ADGRB3: variants seen among roughly 807,000 people sequenced by gnomAD.
ADGRB3 encodes the protein adhesion G protein-coupled receptor B3, also known as brain-specific angiogenesis inhibitor 3.
A neutral mutation model predicts 193.4 loss-of-function variants in ADGRB3; 37 were observed. The observed-to-expected ratio is 0.19, with a 90% CI of 0.15 to 0.25. The LOEUF (loss-of-function observed/expected upper bound fraction) is 0.25. ADGRB3 is among the 10% of genes least tolerant of loss of function. The pLI, the probability that ADGRB3 is intolerant of heterozygous loss-of-function variation, is 1.00. For missense variants in ADGRB3, 1,637 were observed against 1,852.9 expected (o/e 0.88, Z 2.14); for synonymous variants, 690 against 644.2 (o/e 1.07, Z -1.08).
chr6:68,971,323 C>G (rs1768561439), intron 8 of ADGRB3, among the ~76,000 whole-genome samples: 1 of 152,166 alleles, frequency 6.6e-6, no homozygotes. Context: ...ATGGTACAGT[C>G]ATACCTTGGT....
intron 10 of ADGRB3, among the ~76,000 whole-genome samples, chr6:68,988,741 A>C (rs1582374863): frequency 6.6e-6 from 1 of 152,048 alleles, no homozygotes; most frequent in Non-Finnish European, 1.5e-5. Flanking sequence ...TGCTAACGAC[A>C]CCTCTCACAC....
At chr6:68,986,843 T>G (rs1156538085) in intron 10 of ADGRB3, among the ~76,000 whole-genome samples, 1 of 152,166 alleles carries the variant, frequency 6.6e-6, no homozygotes, top group Non-Finnish European at 1.5e-5. Context: ...AGAGCAACTA[T>G]GATAAACCTT....
intron 3 of ADGRB3, among the ~76,000 whole-genome samples, chr6:68,765,696 T>C (rs1377352952): frequency 6.6e-6 from 1 of 152,098 alleles, no homozygotes; most frequent in African/African-American, 2.4e-5. Context: ...CTTATAATTT[T>C]ATTCCCATGT....
At chr6:68,905,700 T>C (rs1307848017) in intron 3 of ADGRB3, among the ~76,000 whole-genome samples, 1 of 152,162 alleles carries the variant, frequency 6.6e-6, no homozygotes, top group Non-Finnish European at 1.5e-5. Flanking sequence ...CACGTCTCCT[T>C]GCTTCACAGC....
intron 3 of ADGRB3, among the ~76,000 whole-genome samples, chr6:68,787,217 T>A: frequency 6.6e-6 from 1 of 152,194 alleles, no homozygotes. Context: ...AGAGAGGGCA[T>A]CCCTGTCTTG....
intron 17 of ADGRB3, among the ~76,000 whole-genome samples, chr6:69,105,903 G>A (rs1398687347): frequency 6.6e-6 from 1 of 152,098 alleles, no homozygotes; most frequent in Non-Finnish European, 1.5e-5. Context: ...GGGAGGCCAA[G>A]GCGGGTGGGT....
chr6:69,319,589 T>C (rs1165647179), intron 20 of ADGRB3, among the ~76,000 whole-genome samples: 1 of 151,388 alleles, frequency 6.6e-6, no homozygotes, highest in Admixed American at 6.6e-5. Context: ...GTTTTCTCAG[T>C]TTTTGCTTCA....
chr6:69,379,374 T>TA (rs951242427), intron 30 of ADGRB3, among the ~76,000 whole-genome samples: 2 of 151,900 alleles, frequency 1.3e-5, no homozygotes, highest in African/African-American at 4.8e-5. Flanking sequence ...TCACTAAACA[T>TA]AAAAAACAGC....
intron 26 of ADGRB3, among the ~76,000 whole-genome samples, chr6:69,345,351 A>G (rs1040527083): frequency 5.3e-5 from 8 of 152,196 alleles, no homozygotes; most frequent in African/African-American, 1.9e-4. Flanking sequence ...AAACATCCTC[A>G]ATAAACTACT....
intron 15 of ADGRB3, among the ~76,000 whole-genome samples, chr6:69,053,484 C>A (rs1045518922): frequency 3.3e-5 from 5 of 152,182 alleles, no homozygotes; most frequent in African/African-American, 1.2e-4. Flanking sequence ...TGCAGAAAAT[C>A]TTGTAAGAGC....
chr6:68,787,165 C>T (rs1172893366), intron 3 of ADGRB3, among the ~76,000 whole-genome samples: 1 of 152,100 alleles, frequency 6.6e-6, no homozygotes, highest in Non-Finnish European at 1.5e-5. Flanking sequence ...TGCATGATTG[C>T]CCTGGCCAGA....
chr6:68,818,176 A>G (rs1023354489), intron 3 of ADGRB3, among the ~76,000 whole-genome samples: 1 of 152,064 alleles, frequency 6.6e-6, no homozygotes, highest in African/African-American at 2.4e-5. Context: ...AACCACATGC[A>G]TGGTTCTATG....
chr6:69,065,435 T>C (rs745589889), intron 16 of ADGRB3, among the ~76,000 whole-genome samples: 2 of 152,126 alleles, frequency 1.3e-5, no homozygotes, highest in African/African-American at 2.4e-5. Flanking sequence ...GTACAATATA[T>C]ACAGCCCTTC....
intron 15 of ADGRB3, among the ~76,000 whole-genome samples, chr6:69,057,061 C>G (rs570540844): frequency 6.0e-4 from 92 of 152,098 alleles, no homozygotes; most frequent in African/African-American, 2.1e-3. Flanking sequence ...ATTTATCTGT[C>G]TCTTCCTTCA....
intron 3 of ADGRB3, among the ~76,000 whole-genome samples, chr6:68,787,762 C>T (rs1403800577): frequency 2.0e-5 from 3 of 152,088 alleles, no homozygotes; most frequent in African/African-American, 7.2e-5. Flanking sequence ...TGGTAGAAAT[C>T]GGCTGTGAAT....
At chr6:68,924,818 A>C (rs985300918) in intron 3 of ADGRB3, among the ~76,000 whole-genome samples, 25 of 152,108 alleles carry the variant, frequency 1.6e-4, no homozygotes, top group African/African-American at 5.3e-4. Flanking sequence ...AATAAGAAAG[A>C]GCATCAGTTA....
chr6:69,016,714 TAGG>T (rs1439087313), intron 12 of ADGRB3, among the ~76,000 whole-genome samples: 1 of 151,880 alleles, frequency 6.6e-6, no homozygotes, highest in African/African-American at 2.4e-5. Flanking sequence ...TTTAAGCTTG[TAGG>T]AGACTATTTA....
intron 3 of ADGRB3, among the ~76,000 whole-genome samples, chr6:68,723,352 G>T (rs958099017): frequency 6.6e-6 from 1 of 151,630 alleles, no homozygotes; most frequent in Non-Finnish European, 1.5e-5. Context: ...CACAGCCAAG[G>T]TTAGCCAATG....
intron 8 of ADGRB3, among the ~76,000 whole-genome samples, chr6:68,972,476 C>G (rs1932774): frequency 0.57 from 87,190 of 151,858 alleles, 25,421 homozygotes; most frequent in East Asian, 0.69. Context: ...ACCTCCCCCT[C>G]CTGCACTCAG....
Sources: allele counts gnomAD v4.1 joint callset (sites outside exome capture counted in the v4.1 genomes callset), GRCh38; gene constraint gnomAD v4.1.1; transcripts MANE v1.5; gene names NCBI Gene and HGNC (gene_info 2026-07-23, HGNC 2026-07-21).